Variants in PDYN observed in about 807,000 individuals in gnomAD.
PDYN encodes the protein prodynorphin.
In PDYN, 5 loss-of-function variants were observed where a neutral mutation model predicts 11.4. That is an observed-to-expected ratio of 0.44 (90% CI 0.23 to 0.92). PDYN has a LOEUF of 0.92. PDYN is among the 40% of genes least tolerant of loss of function. The pLI, the probability that PDYN is intolerant of heterozygous loss-of-function variation, is 0.24. For missense variants in PDYN, 337 were observed against 317.3 expected (o/e 1.06, Z -0.47); for synonymous variants, 132 against 129.5 (o/e 1.02, Z -0.13).
In PDYN at chr20:1,980,500, A is replaced by C. The variant is rs1987680596; in HGVS notation, c.588T>G (p.Asp196Glu). 6.2e-7 allele frequency: 1 copy of C among 1,613,036 alleles called. No individual in the cohort carries two copies. ...TGTACAGGTCCTCATGGCCCATGCTATCCCCGTCCCCCTCCCCAGCCACCT... is the reference window on the plus strand; with the variant it reads ...TGTACAGGTCCTCATGGCCCATGCTCTCCCCGTCCCCCTCCCCAGCCACCT... ...SSEVAGEGDG[D>E]SMGHEDLYKR... The change falls in exon 4 of 4, where the codon GAT (aspartate) becomes GAG (glutamate). Residue 196 changes from aspartate (D) to glutamate (E), a missense_variant. Coordinates refer to ENST00000217305, the MANE Select transcript of PDYN (RefSeq NM_024411.5).
At position 1,979,238 on chromosome 20, in the gene PDYN, G is replaced by A. The variant is rs889968009; in HGVS notation, c.*1085C>T. On this transcript the variant is annotated 3_prime_UTR_variant, in exon 4 of 4. Transcript: ENST00000217305. The stretch of plus-strand genomic sequence containing the variant: ...AAGAAGCATTATGGGGATTGAAGAG[G>A]GCTTTTTCTCTTTCTAGCTGCTGCT... The A allele has an allele frequency of 1.3e-5, 2 of 152,320 alleles. No homozygotes were observed. Among genetic ancestry groups the A allele is most frequent in the African/African-American group, 4.8e-5 (2 of 41,434 alleles). The allele number at this position is 152,320 out of a possible 1,614,324, so 9.4% of individuals were successfully genotyped here.
chr20:1,986,781 C>T (rs142361004), intron 2 of PDYN, among the ~76,000 whole-genome samples: 2 of 152,346 alleles, frequency 1.3e-5, no homozygotes, highest in Non-Finnish European at 2.9e-5. Context: ...ACCAAACCAC[C>T]TGCAATTTCA....
chr20:1,983,606 G>C (rs896822777), intron 2 of PDYN, among the ~76,000 whole-genome samples: 5 of 152,178 alleles, frequency 3.3e-5, no homozygotes, highest in Admixed American at 3.3e-4. Flanking sequence ...TGAGGGCTTT[G>C]GAATTTTTCT....
chr20:1,981,020 C>G, intron 3 of PDYN, 62 bp from the exon 4 acceptor site: 2 of 1,594,066 alleles, frequency 1.3e-6, no homozygotes, highest in Non-Finnish European at 8.6e-7. Context: ...TGGTCTGCCC[C>G]AGGCTCCCCT....
intron 2 of PDYN, among the ~76,000 whole-genome samples, chr20:1,984,521 G>A (rs1988051069): frequency 1.3e-5 from 2 of 152,146 alleles, no homozygotes; most frequent in South Asian, 4.1e-4. Context: ...CTGTATACTA[G>A]CTCCTAAAAC....
intron 2 of PDYN, among the ~76,000 whole-genome samples, chr20:1,983,518 G>A (rs532491060): frequency 2.0e-4 from 30 of 152,186 alleles, no homozygotes; most frequent in Non-Finnish European, 3.8e-4. Context: ...GAAGATACTT[G>A]GCTAAATGCT....
At chr20:1,981,008 A>G in intron 3 of PDYN, 50 bp from the exon 4 acceptor site, 2 of 1,606,584 alleles carry the variant, frequency 1.2e-6, no homozygotes, top group Non-Finnish European at 1.7e-6. Flanking sequence ...AAACACATGC[A>G]CTGGTCTGCC....
intron 2 of PDYN, among the ~76,000 whole-genome samples, chr20:1,985,164 C>A (rs1367332454): frequency 1.3e-5 from 2 of 152,122 alleles, no homozygotes; most frequent in African/African-American, 4.8e-5. Context: ...CTCAGGTGCT[C>A]AGAGTGTTTT....
chr20:1,989,551 C>A (rs1434392625), intron 2 of PDYN, among the ~76,000 whole-genome samples: 1 of 152,126 alleles, frequency 6.6e-6, no homozygotes, highest in Non-Finnish European at 1.5e-5. Context: ...CTTGGCTTCT[C>A]GATGATATTT....
intron 2 of PDYN, among the ~76,000 whole-genome samples, chr20:1,990,004 C>T (rs1235912775): frequency 2.0e-5 from 3 of 152,178 alleles, no homozygotes; most frequent in Non-Finnish European, 2.9e-5. Flanking sequence ...AGTGCCTCTC[C>T]GTGGTCACAG....
At position 1,979,987 on chromosome 20, in the gene PDYN, G is replaced by A. The variant is rs370067229; in HGVS notation, c.*336C>T. 5.0e-6 allele frequency: 2 copies of A among 403,502 alleles called. No homozygotes were observed. The highest frequency in any genetic ancestry group is 5.6e-5 in the East Asian group (1 of 17,832). 25.0% of individuals were successfully genotyped at this position (403,502 alleles called of 1,614,324 possible). On this transcript the variant is annotated 3_prime_UTR_variant, in exon 4 of 4. Transcript: ENST00000217305. ...CAGGTACAAAGAACACATCGCTCTG[G>A]TTCCCTGGAATTGAGGAGTCACGTG...
At chr20:1,987,902 C>T (rs1287732985) in intron 2 of PDYN, among the ~76,000 whole-genome samples, 1 of 152,164 alleles carries the variant, frequency 6.6e-6, no homozygotes, top group Non-Finnish European at 1.5e-5. Context: ...ATGAAGACTC[C>T]AGTCTAGTCT....
At chr20:1,982,922 A>T (rs1476376605) in intron 3 of PDYN, 34 bp downstream of exon 3, 2 of 1,610,520 alleles carry the variant, frequency 1.2e-6, no homozygotes, top group Non-Finnish European at 1.7e-6. Context: ...AGGTCCAAGG[A>T]CCTGGGCATT....
rs781363760 is a variant in PDYN at position 1,980,831 on chromosome 20, G to T, written c.257C>A (p.Ser86Ter). Residue 86 changes from serine to a stop codon, truncating the protein, a stop_gained, in exon 4 of 4, where the codon TCG (serine) becomes TAG (stop). Transcript: ENST00000217305. LOFTEE classifies it low-confidence loss of function (END_TRUNC). Reference sequence around the variant, plus strand: ...CTCACTGTAGGGCCCTTCCCCAACCGACTTGCTCCCCAAGTCCTCCTTGTC... The same window carrying T: ...CTCACTGTAGGGCCCTTCCCCAACCTACTTGCTCCCCAAGTCCTCCTTGTC... ...LNDKEDLGSK[S>*]VGEGPYSELA... 3 of 1,614,158 alleles carry T rather than the reference G, an allele frequency of 1.9e-6. No individual in the cohort carries two copies. The highest frequency in any genetic ancestry group is 1.7e-5 in the Admixed American group (1 of 60,014).
intron 1 of PDYN, 194 bp downstream of exon 1, chr20:1,993,717 G>A (rs1568547253): frequency 6.6e-6 from 1 of 152,216 alleles, no homozygotes; most frequent in South Asian, 2.1e-4. Flanking sequence ...GTGCAGAAAG[G>A]GAGAGTCCAA....
rs533469749 is a variant in PDYN, at chr20:1,978,896, A to G, written c.*1427T>C. 6.6e-6 allele frequency: 1 copy of G among 152,308 alleles called. No individual in the cohort carries two copies. Among genetic ancestry groups the G allele is most frequent in the African/African-American group, 2.4e-5 (1 of 41,562 alleles). 9.4% of individuals were successfully genotyped at this position (152,308 alleles called of 1,614,324 possible). On this transcript the variant is annotated 3_prime_UTR_variant, in exon 4 of 4. Transcript: ENST00000217305. ...AAAATAACTCTAAAACAATCTATCC[A>G]TTTCAGAACATCATCAGATACCTGG...
chr20:1,989,581 G>A (rs929445013), intron 2 of PDYN, among the ~76,000 whole-genome samples: 5 of 152,128 alleles, frequency 3.3e-5, no homozygotes, highest in African/African-American at 1.2e-4. Flanking sequence ...AGTCAGCTGA[G>A]GGCTCAGAGG....
chr20:1,988,546 C>T (rs570651014), intron 2 of PDYN, among the ~76,000 whole-genome samples: 3 of 152,220 alleles, frequency 2.0e-5, no homozygotes, highest in South Asian at 2.1e-4. Flanking sequence ...GGAACTTTGC[C>T]GATCATCGGG....
chr20:1,986,541 A>G (rs1370541376), intron 2 of PDYN, among the ~76,000 whole-genome samples: 1 of 152,072 alleles, frequency 6.6e-6, no homozygotes, highest in African/African-American at 2.4e-5. Context: ...CCTAATACCA[A>G]CAGCTGACAT....
Sources: gnomAD v4.1 joint callset for allele counts (sites outside exome capture counted in the v4.1 genomes callset) on GRCh38, gnomAD v4.1.1 for gene constraint, MANE v1.5 for transcripts, NCBI Gene and HGNC (gene_info 2026-07-23, HGNC 2026-07-21) for gene names.